MAB21L3: variants seen among roughly 807,000 people sequenced by gnomAD.
MAB21L3 encodes protein mab-21-like 3.
MAB21L3 carries 36 observed loss-of-function variants against 37.7 expected under a neutral mutation model. The observed-to-expected ratio is 0.96, with a 90% CI of 0.73 to 1.26. The LOEUF is 1.26. MAB21L3 is among the 50% of genes most tolerant of loss of function. MAB21L3 has a pLI of 0.00. For synonymous variants in MAB21L3, 186 were observed against 176.8 expected (o/e 1.05, Z -0.41); for missense variants, 430 against 447.3 (o/e 0.96, Z 0.35).
chr1:116,115,958 A>G (rs1659575370), intron 3 of MAB21L3, among the ~76,000 whole-genome samples: 1 of 152,166 alleles, frequency 6.6e-6, no homozygotes, highest in Non-Finnish European at 1.5e-5. Context: ...AGGTTGCCTC[A>G]AGGCTGCCTT....
chr1:116,124,295 C>T lies in MAB21L3; in HGVS notation c.419C>T (p.Ala140Val). ...DVNIDGDIVP[A>V]KVLLVFRKLV... ...AACATCGACGGAGACATTGTGCCTGCCAAGGTCCTCCTAGTGTTCCGGAAG... is the reference window on the plus strand; with the variant it reads ...AACATCGACGGAGACATTGTGCCTGTCAAGGTCCTCCTAGTGTTCCGGAAG... Residue 140 changes from alanine (A) to valine (V), a missense_variant, in exon 5 of 8, where the codon GCC becomes GTC. By Grantham distance (64) the Ala-to-Val change is moderately conservative. Transcript: ENST00000369500. 6.2e-7 allele frequency: 1 copy of T among 1,614,100 alleles called. No homozygotes were observed. The highest frequency in any genetic ancestry group is 8.5e-7 in the Non-Finnish European group (1 of 1,180,028).
At position 116,135,696 on chromosome 1, in the gene MAB21L3, T is replaced by A. The variant is rs1391517597; in HGVS notation, c.*2331T>A. The stretch of plus-strand genomic sequence containing the variant: ...ACTAAAAAAGAGAATTTTAGACCAA[T>A]ATCCTTGTTGAACATTGATGCAAAA... On this transcript the variant is annotated 3_prime_UTR_variant, in exon 8 of 8. Coordinates refer to ENST00000369500, the MANE Select transcript of MAB21L3 (RefSeq NM_152367.3). Among the ~76,000 whole-genome samples, 1 of 152,224 alleles carries A rather than the reference T, an allele frequency of 6.6e-6. No homozygotes were observed. The highest frequency in any genetic ancestry group is 1.5e-5 in the Non-Finnish European group (1 of 68,054).
At chr1:116,125,548 T>C (rs932312587) in intron 5 of MAB21L3, among the ~76,000 whole-genome samples, 1 of 152,228 alleles carries the variant, frequency 6.6e-6, no homozygotes, top group Non-Finnish European at 1.5e-5. Flanking sequence ...ATGTGCTAAA[T>C]AGTTAAGTGA....
At chr1:116,122,549 T>C (rs1659781890) in intron 4 of MAB21L3, among the ~76,000 whole-genome samples, 1 of 152,190 alleles carries the variant, frequency 6.6e-6, no homozygotes, top group South Asian at 2.1e-4. Flanking sequence ...AACAAGTTTT[T>C]GTTTGTTTTG....
Position 116,137,531 on chromosome 1 carries a change from T to C in MAB21L3, c.*4166T>C, listed in dbSNP as rs1660220752. Reference sequence around the variant, plus strand: ...AAAACTTTTACACTGTTGGTGGGACTGTAAACTAGTTCAACCATTATGGAA... The same window carrying C: ...AAAACTTTTACACTGTTGGTGGGACCGTAAACTAGTTCAACCATTATGGAA... On this transcript the variant is annotated 3_prime_UTR_variant, in exon 8 of 8. Transcript: ENST00000369500. Among the ~76,000 whole-genome samples, 1 of 149,556 alleles carries C rather than the reference T, an allele frequency of 6.7e-6. No individual in the cohort carries two copies. Among genetic ancestry groups the C allele is most frequent in the South Asian group, 2.1e-4 (1 of 4,698 alleles).
Position 116,137,506 on chromosome 1 carries a change from A to G in MAB21L3, c.*4141A>G, listed in dbSNP as rs1339314526. 6.7e-6 allele frequency among the ~76,000 whole-genome samples: 1 copy of G among 148,938 alleles called. No individual in the cohort carries two copies. Among genetic ancestry groups the G allele is most frequent in the Admixed American group, 6.6e-5 (1 of 15,072 alleles). On this transcript the variant is annotated 3_prime_UTR_variant, in exon 8 of 8. Coordinates refer to ENST00000369500, the MANE Select transcript of MAB21L3 (RefSeq NM_152367.3). Reference sequence around the variant, plus strand: ...GCTGGAGAGGATGTGGAGAAATAGGAAAACTTTTACACTGTTGGTGGGACT... The same window carrying G: ...GCTGGAGAGGATGTGGAGAAATAGGGAAACTTTTACACTGTTGGTGGGACT...
intron 3 of MAB21L3, among the ~76,000 whole-genome samples, chr1:116,116,359 G>A (rs796183721): frequency 2.6e-5 from 4 of 152,130 alleles, no homozygotes; most frequent in African/African-American, 7.2e-5. Flanking sequence ...AAGGCTGCCC[G>A]CCACCTAGAG....
At position 116,120,961 on chromosome 1, in the gene MAB21L3, G is replaced by A; in HGVS notation, c.78G>A (p.Gln26=). 1.2e-6 allele frequency: 2 copies of A among 1,614,134 alleles called. No individual in the cohort carries two copies. The highest frequency in any genetic ancestry group is 1.1e-5 in the South Asian group (1 of 91,064). ...KVDLRRQQIS[Q]AVEEVQKVVH... is the part of the protein sequence containing the mutation. ...ACTTGAGGCGCCAGCAGATTTCCCAGGCTGTGGAGGAGGTGCAGAAAGTCG... is the reference window on the plus strand; with the variant it reads ...ACTTGAGGCGCCAGCAGATTTCCCAAGCTGTGGAGGAGGTGCAGAAAGTCG... The change falls in exon 4 of 8, where the codon CAG becomes CAA. Residue 26 remains glutamine (Q), a synonymous_variant. Transcript: ENST00000369500.
At position 116,134,596 on chromosome 1, in the gene MAB21L3, G is replaced by A. The variant is rs1375256823; in HGVS notation, c.*1231G>A. The A allele has an allele frequency of 6.6e-6, 1 of 152,268 alleles. No individual in the cohort carries two copies. Among genetic ancestry groups the A allele is most frequent in the African/African-American group, 2.4e-5 (1 of 41,460 alleles). The allele number at this position is 152,268 out of a possible 1,614,324, so 9.4% of individuals were successfully genotyped here. A position where few individuals can be genotyped will look rare whatever the true frequency, so the allele number is the denominator to read the frequency against. ...GCCTTGTAAAGCCAGGAAGGAATCA[G>A]TATTTTATTCTAAGATCAAAGGTGT... On this transcript the variant is annotated 3_prime_UTR_variant, in exon 8 of 8. Coordinates refer to ENST00000369500, the MANE Select transcript of MAB21L3 (RefSeq NM_152367.3).
chr1:116,112,493 A>G lies in MAB21L3; in HGVS notation c.-123A>G. ...TCTCTGGTCCATTACACACTTCCAG[A>G]AAAACTTAGTACCCAGAGACTCACA... On this transcript the variant is annotated 5_prime_UTR_variant, in exon 3 of 8. Transcript: ENST00000369500. 1.2e-6 allele frequency: 1 copy of G among 812,280 alleles called. No homozygotes were observed. The highest frequency in any genetic ancestry group is 2.0e-6 in the Non-Finnish European group (1 of 498,070). 50.3% of individuals were successfully genotyped at this position (812,280 alleles called of 1,614,324 possible). A position where few individuals can be genotyped will look rare whatever the true frequency, so the allele number is the denominator to read the frequency against.
In MAB21L3 at chr1:116,133,553, C is replaced by T; in HGVS notation, c.*188C>T. On this transcript the variant is annotated 3_prime_UTR_variant, in exon 8 of 8. Transcript: ENST00000369500. ...GCCCCAGGATGTCTGGCCCAGGCCTCCCTGGAGCCCAGCAAGCATTTCTGC... is the reference window on the plus strand; with the variant it reads ...GCCCCAGGATGTCTGGCCCAGGCCTTCCTGGAGCCCAGCAAGCATTTCTGC... 1.6e-6 allele frequency: 1 copy of T among 613,714 alleles called. No homozygotes were observed. Among genetic ancestry groups the T allele is most frequent in the East Asian group, 2.8e-5 (1 of 36,354 alleles). The allele number at this position is 613,714 out of a possible 1,614,324, so 38.0% of individuals were successfully genotyped here.
intron 5 of MAB21L3, 93 bp downstream of exon 5, chr1:116,124,450 C>A: frequency 1.7e-6 from 2 of 1,160,456 alleles, no homozygotes; most frequent in Non-Finnish European, 1.2e-6. Flanking sequence ...CAGCTCACAG[C>A]CTACATTTGA....
intron 5 of MAB21L3, among the ~76,000 whole-genome samples, chr1:116,125,025 A>G (rs748694454): frequency 2.2e-4 from 6 of 27,158 alleles, no homozygotes; most frequent in Non-Finnish European, 3.3e-4. Flanking sequence ...ATAATTACCA[A>G]AAAAAAAAAA....
rs1009622507 is a variant in MAB21L3 at position 116,133,686 on chromosome 1, C to T, written c.*321C>T. 54 of 405,794 alleles carry T rather than the reference C, an allele frequency of 1.3e-4. No individual in the cohort carries two copies. The highest frequency in any genetic ancestry group is 5.5e-5 in the Non-Finnish European group (12 of 219,324). 25.1% of individuals were successfully genotyped at this position (405,794 alleles called of 1,614,324 possible). ...TCCCTTGTTCAGGCTGTGATCGTCTCACAGTGAAGATGGAGACAGAACCCC... is the reference window on the plus strand; with the variant it reads ...TCCCTTGTTCAGGCTGTGATCGTCTTACAGTGAAGATGGAGACAGAACCCC... On this transcript the variant is annotated 3_prime_UTR_variant, in exon 8 of 8. Coordinates refer to ENST00000369500, the MANE Select transcript of MAB21L3 (RefSeq NM_152367.3).
chr1:116,120,273 T>C (rs1055155932), intron 3 of MAB21L3, among the ~76,000 whole-genome samples: 2 of 152,114 alleles, frequency 1.3e-5, no homozygotes, highest in African/African-American at 2.4e-5. Context: ...CTCACTCAAA[T>C]GTCACCTCTT....
intron 3 of MAB21L3, among the ~76,000 whole-genome samples, chr1:116,118,256 C>T (rs576184185): frequency 2.0e-5 from 3 of 152,202 alleles, no homozygotes; most frequent in South Asian, 2.1e-4. Flanking sequence ...GTGGCACGTG[C>T]CTGTAGTCCC....
At chr1:116,121,373 A>G (rs1391874245) in intron 4 of MAB21L3, among the ~76,000 whole-genome samples, 1 of 152,200 alleles carries the variant, frequency 6.6e-6, no homozygotes. Context: ...AGAAAAAGAA[A>G]AAAAGATAGA....
chr1:116,120,342 C>T (rs1659705345), intron 3 of MAB21L3, among the ~76,000 whole-genome samples: 1 of 151,386 alleles, frequency 6.6e-6, no homozygotes, highest in Non-Finnish European at 1.5e-5. Flanking sequence ...CCTTTATTCT[C>T]TAGTCCCTTA....
rs1659465639 is a variant in MAB21L3 at position 116,112,732 on chromosome 1, C to T, written c.48+69C>T. ...ACACTACTTCCAAACAAACCTTCGT[C>T]CAGAAAGGATCTCAGGCTCTTTCTA... On this transcript the variant is annotated intron_variant, in intron 3 of 7. Transcript: ENST00000369500. 7 of 1,513,346 alleles carry T rather than the reference C, an allele frequency of 4.6e-6. No homozygotes were observed. The South Asian group carries it at 5.6e-5, about 12-fold the overall frequency. The allele number at this position is 1,513,346 out of a possible 1,614,324, so 93.7% of individuals were successfully genotyped here.
Sources: allele counts gnomAD v4.1 joint callset (sites outside exome capture counted in the v4.1 genomes callset), GRCh38; gene constraint gnomAD v4.1.1; transcripts MANE v1.5; gene names NCBI Gene and HGNC (gene_info 2026-07-23, HGNC 2026-07-21).